Variants in NXNL2 observed in about 807,000 individuals in gnomAD.
NXNL2 encodes the protein nucleoredoxin-like protein 2.
Under a neutral mutation model 11.1 loss-of-function variants are expected in NXNL2, and 7 were observed. The ratio of observed to expected loss-of-function variants is 0.63; its 90% CI spans 0.36 to 1.18. The LOEUF (loss-of-function observed/expected upper bound fraction) is 1.18, where lower values mean the gene tolerates loss of function less well. Among genes scored for constraint, NXNL2 ranks in the 50% most tolerant of loss-of-function variants. The probability of loss-of-function intolerance (pLI) is 0.02; values close to 1 mark genes in which losing one functional copy is unlikely to be tolerated. For synonymous variants in NXNL2, 109 were observed against 101.8 expected, an observed-to-expected ratio of 1.07 and a Z score of -0.42; for missense variants, 233 against 217.7, an observed-to-expected ratio of 1.07 and a Z score of -0.44.
intron 1 of NXNL2, among the ~76,000 whole-genome samples, chr9:88,540,869 G>A (rs1041783281): frequency 4.7e-5 from 7 of 150,082 alleles, no homozygotes; most frequent in African/African-American, 1.2e-4. Context: ...CCTGTGTAAT[G>A]ACCAGGTTGG....
chr9:88,584,023 G>A (rs957062571), exon 2 of NXNL2: 9 of 152,152 alleles, frequency 5.9e-5, no homozygotes, highest in Admixed American at 2.6e-4. Flanking sequence ...TAATACATGC[G>A]GCCACCTTCT....
At chr9:88,546,617 G>A (rs1475217355), downstream of NXNL2, among the ~76,000 whole-genome samples, 10 of 151,204 alleles carry the variant, frequency 6.6e-5, no homozygotes, top group Admixed American at 4.0e-4. Context: ...GTTTCTTCAT[G>A]TTGGCCAGGC....
intron 1 of NXNL2, among the ~76,000 whole-genome samples, chr9:88,536,217 G>T (rs1382348314): frequency 6.6e-6 from 1 of 152,188 alleles, no homozygotes; most frequent in Non-Finnish European, 1.5e-5. Flanking sequence ...GAGGACATCA[G>T]CTCTGTGACA....
At chr9:88,576,352 G>T (rs969133482), downstream of NXNL2, among the ~76,000 whole-genome samples, 1 of 152,230 alleles carries the variant, frequency 6.6e-6, no homozygotes, top group South Asian at 2.1e-4. Flanking sequence ...ACAGGTGGCT[G>T]CTTCTTTCTC....
rs1236408873 is a variant in NXNL2, at chr9:88,535,602, G to T, written c.168G>T (p.Val56=). 1.9e-6 allele frequency: 3 copies of T among 1,609,358 alleles called. No individual in the cohort carries two copies. The highest frequency in any genetic ancestry group is 2.5e-6 in the Non-Finnish European group (3 of 1,179,324). The change falls in exon 1 of 2, where the codon GTG becomes GTT. Residue 56 remains valine, a synonymous_variant. Transcript: ENST00000375854. ...PLLCDFYTAL[V]AEARRPAPFE... is the part of the protein sequence containing the mutation. ...TCTGCGACTTCTATACGGCGCTGGTGGCCGAGGCGCGGCGGCCCGCGCCCT... is the reference window on the plus strand; with the variant it reads ...TCTGCGACTTCTATACGGCGCTGGTTGCCGAGGCGCGGCGGCCCGCGCCCT...
rs1486988736 is a variant in NXNL2, at chr9:88,566,999, T to TCTATCTATCTAC, written c.303-4077_303-4076insCCTATCTATCTA. ...ATCTATCTATCTATCTATCTATCTA[T>TCTATCTATCTAC]CTATCTATCTATCTATCTATCATCT... On this transcript the variant is annotated intron_variant, in intron 1 of 2. Coordinates refer to the NXNL2 transcript ENST00000375855. 3.0e-3 allele frequency among the ~76,000 whole-genome samples: 443 copies of TCTATCTATCTAC among 145,788 alleles called. 9 individuals carry two copies. The highest frequency in any genetic ancestry group is 0.026 in the Admixed American group (387 of 14,918).
At chr9:88,573,871 G>A (rs536310675) in intron 2 of NXNL2, among the ~76,000 whole-genome samples, 2 of 152,322 alleles carry the variant, frequency 1.3e-5, no homozygotes, top group East Asian at 3.9e-4. Flanking sequence ...ATGTGAAGAA[G>A]TGCTAAACGT....
At chr9:88,552,558 C>G (rs2118464105) in intron 1 of NXNL2, among the ~76,000 whole-genome samples, 1 of 150,998 alleles carries the variant, frequency 6.6e-6, no homozygotes, top group African/African-American at 2.4e-5. Flanking sequence ...GCAAACTCTG[C>G]CTCCTGAGTT....
chr9:88,566,320 A>G (rs1450082512), intron 1 of NXNL2, among the ~76,000 whole-genome samples: 1 of 150,266 alleles, frequency 6.7e-6, no homozygotes, highest in Non-Finnish European at 1.5e-5. Context: ...TTTGAGATGG[A>G]GTCTTGGTCT....
intron 1 of NXNL2, among the ~76,000 whole-genome samples, chr9:88,539,480 T>A (rs1829702234): frequency 6.6e-6 from 1 of 152,164 alleles, no homozygotes; most frequent in African/African-American, 2.4e-5. Context: ...TCCCACCTGG[T>A]CTGGCCCCAG....
At chr9:88,543,441 A>T (rs2118421798) in intron 1 of NXNL2, among the ~76,000 whole-genome samples, 1 of 151,978 alleles carries the variant, frequency 6.6e-6, no homozygotes, top group African/African-American at 2.4e-5. Flanking sequence ...TAATTTTTTA[A>T]CTTTTGTAGA....
intron 1 of NXNL2, 100 bp downstream of exon 1, chr9:88,535,836 C>CCT (rs1554703889): frequency 1.1e-6 from 1 of 874,882 alleles, no homozygotes; most frequent in African/African-American, 1.7e-5. Context: ...ATGACGCCCC[C>CCT]CCCCAACACC....
chr9:88,582,247 G>A (rs999555624), intron 1 of NXNL2, among the ~76,000 whole-genome samples: 32 of 152,302 alleles, frequency 2.1e-4, no homozygotes, highest in Non-Finnish European at 3.4e-4. Context: ...GTGAGGCCGA[G>A]GTGGGCGGAT....
chr9:88,538,461 G>A (rs1003763677), intron 1 of NXNL2: 8 of 152,272 alleles, frequency 5.3e-5, no homozygotes, highest in Non-Finnish European at 7.3e-5. Context: ...TGGAGGCCAC[G>A]GAGGATGCAG....
At chr9:88,541,152 C>T (rs536967637) in intron 1 of NXNL2, among the ~76,000 whole-genome samples, 23 of 147,688 alleles carry the variant, frequency 1.6e-4, no homozygotes, top group Admixed American at 1.4e-3. Context: ...GTCATGTCAC[C>T]CACCAGTGTC....
chr9:88,576,900 C>A (rs1830354371), downstream of NXNL2, among the ~76,000 whole-genome samples: 1 of 152,150 alleles, frequency 6.6e-6, no homozygotes, highest in East Asian at 1.9e-4. Context: ...GCTTAAGGGG[C>A]TCCAACACTG....
chr9:88,567,703 G>A (rs1032268086), intron 1 of NXNL2, among the ~76,000 whole-genome samples: 2 of 152,068 alleles, frequency 1.3e-5, no homozygotes, highest in Admixed American at 6.6e-5. Context: ...TCTTTCTCCC[G>A]CTAATAAAAT....
chr9:88,551,073 C>A (rs971074532), intron 1 of NXNL2, among the ~76,000 whole-genome samples: 1 of 152,116 alleles, frequency 6.6e-6, no homozygotes. Context: ...GCATCTCAAG[C>A]GTGGTCTATT....
At chr9:88,556,202 G>A (rs1038131356) in intron 1 of NXNL2, among the ~76,000 whole-genome samples, 1 of 152,160 alleles carries the variant, frequency 6.6e-6, no homozygotes, top group African/African-American at 2.4e-5. Context: ...CAACTTGGTG[G>A]GCCAGCCAGG....
Sources: allele counts gnomAD v4.1 joint callset (sites outside exome capture counted in the v4.1 genomes callset), GRCh38; gene constraint gnomAD v4.1.1; transcripts MANE v1.5; gene names NCBI Gene and HGNC (gene_info 2026-07-23, HGNC 2026-07-21).